Variants in PKNOX1 observed in about 807,000 individuals in gnomAD.
The protein encoded by PKNOX1 is homeobox protein PKNOX1.
A neutral mutation model predicts 51.9 loss-of-function variants in PKNOX1; 15 were observed. The ratio of observed to expected loss-of-function variants is 0.29; its 90% CI spans 0.19 to 0.45. The LOEUF is 0.45. Among genes scored for constraint, PKNOX1 ranks in the 20% least tolerant of loss-of-function variants. The pLI is 1.00. For synonymous variants in PKNOX1, 219 were observed against 211.1 expected, an observed-to-expected ratio of 1.04 and a Z score of -0.32; for missense variants, 462 against 547.5, an observed-to-expected ratio of 0.84 and a Z score of 1.56.
intron 1 of PKNOX1, among the ~76,000 whole-genome samples, chr21:42,988,772 A>G (rs1201785217): frequency 2.0e-5 from 3 of 152,074 alleles, no homozygotes; most frequent in African/African-American, 7.2e-5. Context: ...TGGCCCAGGA[A>G]CGGAGTGGGT....
chr21:42,983,145 G>A (rs139621113), intron 1 of PKNOX1, among the ~76,000 whole-genome samples: 48 of 152,162 alleles, frequency 3.2e-4, no homozygotes, highest in Admixed American at 1.1e-3. Context: ...TAAAATACAC[G>A]TAACAAAATT....
intron 1 of PKNOX1, among the ~76,000 whole-genome samples, chr21:42,990,185 TC>T (rs1265238294): frequency 6.6e-6 from 1 of 151,596 alleles, no homozygotes; most frequent in Non-Finnish European, 1.5e-5. Context: ...TTGCTTGAAA[TC>T]AGGTGGTGGT....
chr21:42,988,343 C>G (rs28506838), intron 1 of PKNOX1, among the ~76,000 whole-genome samples: 98,212 of 152,024 alleles, frequency 0.65, 31,924 homozygotes, highest in Middle Eastern at 0.74. Context: ...GCCACTGTGC[C>G]CGGCCAGCCC....
At chr21:42,988,211 C>T (rs1199550521) in intron 1 of PKNOX1, among the ~76,000 whole-genome samples, 3 of 151,978 alleles carry the variant, frequency 2.0e-5, no homozygotes, top group Admixed American at 2.0e-4. Context: ...CCACCACACC[C>T]AGCTAATTTT....
chr21:43,022,377 G>A (rs987954233), intron 8 of PKNOX1, among the ~76,000 whole-genome samples: 1 of 152,212 alleles, frequency 6.6e-6, no homozygotes, highest in Admixed American at 6.5e-5. Context: ...GCCATTTCGC[G>A]GCCCACTTTC....
intron 1 of PKNOX1, 61 bp from the exon 2 acceptor site, chr21:43,004,265 T>G (rs925749394): frequency 1.4e-6 from 1 of 720,512 alleles, no homozygotes; most frequent in Middle Eastern, 2.4e-4. Flanking sequence ...TGTTATGGAA[T>G]GAGGGAGACA....
At chr21:42,992,291 C>T (rs1194950021) in intron 1 of PKNOX1, among the ~76,000 whole-genome samples, 1 of 152,200 alleles carries the variant, frequency 6.6e-6, no homozygotes, top group Non-Finnish European at 1.5e-5. Context: ...CGTCAGAGGT[C>T]AGGCTGTGTA....
chr21:43,016,221 C>T (rs1238533265), intron 5 of PKNOX1, among the ~76,000 whole-genome samples: 1 of 152,246 alleles, frequency 6.6e-6, no homozygotes, highest in African/African-American at 2.4e-5. Context: ...CAGCTGCCCA[C>T]CCAGGCGTCA....
At chr21:42,999,865 T>C (rs772890314) in intron 1 of PKNOX1, among the ~76,000 whole-genome samples, 2 of 152,226 alleles carry the variant, frequency 1.3e-5, no homozygotes, top group African/African-American at 2.4e-5. Flanking sequence ...ATGCTTTCAA[T>C]AGCACCCAAG....
chr21:42,999,069 C>G (rs1252494045), intron 1 of PKNOX1, among the ~76,000 whole-genome samples: 5 of 152,256 alleles, frequency 3.3e-5, no homozygotes, highest in Non-Finnish European at 7.3e-5. Context: ...GCCTGGACAT[C>G]CAGGCACTTC....
chr21:42,985,081 G>A (rs1406242145), intron 1 of PKNOX1, among the ~76,000 whole-genome samples: 2 of 147,006 alleles, frequency 1.4e-5, no homozygotes, highest in African/African-American at 5.0e-5. Flanking sequence ...TCTGTCTCCC[G>A]GGTTCGAGCG....
At chr21:42,982,731 CAAAA>C (rs10658050) in intron 1 of PKNOX1, among the ~76,000 whole-genome samples, 1 of 129,912 alleles carries the variant, frequency 7.7e-6, no homozygotes, top group East Asian at 2.3e-4. Flanking sequence ...AACTCCATCT[CAAAA>C]AAAAAAAAAA....
At chr21:42,974,685 T>TCCG (rs959171097) in intron 1 of PKNOX1, 21 bp downstream of exon 1, 87 of 164,264 alleles carry the variant, frequency 5.3e-4, no homozygotes, top group South Asian at 1.0e-3. Flanking sequence ...ACTCAACCGC[T>TCCG]CCGCCGCCGC....
intron 8 of PKNOX1, 168 bp from the exon 9 acceptor site, chr21:43,024,703 A>T (rs1979916186): frequency 8.4e-6 from 5 of 596,026 alleles, no homozygotes; most frequent in Non-Finnish European, 1.5e-5. Flanking sequence ...CATTCCTGGG[A>T]CGAGGAGAAA....
chr21:43,002,249 T>TG (rs1321117853), intron 1 of PKNOX1, among the ~76,000 whole-genome samples: 1 of 152,180 alleles, frequency 6.6e-6, no homozygotes, highest in East Asian at 1.9e-4. Context: ...CAGACTCCCT[T>TG]GCTCAGAGTT....
chr21:42,976,736 C>G (rs1292467951), intron 1 of PKNOX1, among the ~76,000 whole-genome samples: 3 of 152,228 alleles, frequency 2.0e-5, no homozygotes, highest in African/African-American at 7.2e-5. Flanking sequence ...AAGTCTTGAA[C>G]TCCTCCAAGT....
At chr21:43,029,145 C>T (rs961449318) in intron 10 of PKNOX1, among the ~76,000 whole-genome samples, 18 of 152,178 alleles carry the variant, frequency 1.2e-4, no homozygotes, top group African/African-American at 4.3e-4. Flanking sequence ...CAGTCATGCC[C>T]ATGGATCTTC....
chr21:43,029,738 A>C, intron 10 of PKNOX1, 152 bp from the exon 11 acceptor site: 1 of 717,302 alleles, frequency 1.4e-6, no homozygotes, highest in South Asian at 1.8e-5. Flanking sequence ...GCCCAGAAAC[A>C]GTTTCTTAAA....
intron 1 of PKNOX1, among the ~76,000 whole-genome samples, chr21:43,001,799 A>G (rs1407697249): frequency 6.6e-6 from 1 of 151,858 alleles, no homozygotes; most frequent in African/African-American, 2.4e-5. Context: ...TCTCTACTGA[A>G]AAGACAAAAA....
Sources: gnomAD v4.1 joint callset for allele counts (sites outside exome capture counted in the v4.1 genomes callset) on GRCh38, gnomAD v4.1.1 for gene constraint, MANE v1.5 for transcripts, NCBI Gene and HGNC (gene_info 2026-07-23, HGNC 2026-07-21) for gene names.